Variants in NCOR2 observed in about 807,000 individuals in gnomAD.
NCOR2 encodes the protein nuclear receptor corepressor 2, also known as CTG repeat protein 26.
A neutral mutation model predicts 262.9 loss-of-function variants in NCOR2; 81 were observed. That is an observed-to-expected ratio of 0.31 (90% CI 0.26 to 0.37). The LOEUF (loss-of-function observed/expected upper bound fraction) is 0.37. NCOR2 is among the 10% of genes least tolerant of loss of function. The pLI is 1.00. For synonymous variants in NCOR2, 1,659 were observed against 1,559.3 expected (o/e 1.06, Z -1.51); for missense variants, 3,385 against 3,621.4 (o/e 0.93, Z 1.68).
intron 1 of NCOR2, among the ~76,000 whole-genome samples, chr12:124,507,836 A>G (rs1303919411): frequency 6.6e-6 from 1 of 152,186 alleles, no homozygotes; most frequent in Non-Finnish European, 1.5e-5. Context: ...CGGCCTCCGC[A>G]AGGTTCCCAC....
In NCOR2 at chr12:124,494,724, G is replaced by A. The variant is rs752144794; in HGVS notation, c.105+423C>T. Among the ~76,000 whole-genome samples, 40 of 152,250 alleles carry A rather than the reference G, an allele frequency of 2.6e-4. 1 individual carries two copies. The highest frequency in any genetic ancestry group is 3.7e-4 in the Non-Finnish European group (25 of 68,024). On this transcript the variant is annotated intron_variant, in intron 1 of 46. Transcript: ENST00000405201. ...CAAGGTGAATACACACGGAACGGGA[G>A]GACAGGAAGGAAGGGGAGCTGTGAC...
intron 1 of NCOR2, chr12:124,562,408 G>A (rs1161100832): frequency 6.6e-6 from 1 of 152,168 alleles, no homozygotes; most frequent in Non-Finnish European, 1.5e-5. Context: ...GAAGGTCAGA[G>A]GCTTCACTCA....
rs1162862210 is a variant in NCOR2, at chr12:124,335,128, T to C, written c.6411+7A>G. The C allele has an allele frequency of 1.9e-6, 3 of 1,612,200 alleles. No individual in the cohort carries two copies. The highest frequency in any genetic ancestry group is 1.1e-5 in the South Asian group (1 of 91,062). On this transcript the variant is annotated splice_region_variant and intron_variant, in intron 40 of 46. Transcript: ENST00000405201. Reference sequence around the variant, plus strand: ...GTGACAAGCAGCAGCAGAGAACGCGTAGTTACACTGATGTGCTGGGCCAGG... The same window carrying C: ...GTGACAAGCAGCAGCAGAGAACGCGCAGTTACACTGATGTGCTGGGCCAGG...
At chr12:124,520,590 G>A (rs533868471) in intron 1 of NCOR2, among the ~76,000 whole-genome samples, 6 of 152,174 alleles carry the variant, frequency 3.9e-5, no homozygotes, top group African/African-American at 4.8e-5. Flanking sequence ...TGTCTTCCCC[G>A]CCAGACACTC....
At chr12:124,358,393 CATGTGT>C (rs1441313186) in intron 22 of NCOR2, among the ~76,000 whole-genome samples, 1 of 148,224 alleles carries the variant, frequency 6.7e-6, no homozygotes, top group Non-Finnish European at 1.5e-5. Flanking sequence ...CGTGCACGTG[CATGTGT>C]GTGCGAGTGC....
Position 124,325,374 on chromosome 12 carries a change from A to ACCAC in NCOR2, c.*27_*28insGTGG, listed in dbSNP as rs2034531199. ...TTCCTGTGGCTCGCTGGGACCTGAC[A>ACCAC]CCGCCCCCCCCCCCGCCCTGTTCTG... On this transcript the variant is annotated 3_prime_UTR_variant, in exon 47 of 47. Coordinates refer to ENST00000405201, the Ensembl canonical transcript of NCOR2. The ACCAC allele has an allele frequency of 7.6e-5, 24 of 316,862 alleles. 1 individual carries two copies. Among genetic ancestry groups the ACCAC allele is most frequent in the South Asian group, 1.0e-4 (1 of 9,826 alleles). The allele number at this position is 316,862 out of a possible 1,614,324, so 19.6% of individuals were successfully genotyped here.
rs768697193 is a variant in NCOR2 at position 124,336,851 on chromosome 12, G to A, written c.6017C>T (p.Pro2006Leu). The A allele has an allele frequency of 2.5e-5, 41 of 1,611,936 alleles. No individual in the cohort carries two copies. The Admixed American group carries it at 6.2e-4, about 24-fold the overall frequency. Residue 2006 changes from proline to leucine, a missense_variant, in exon 38 of 47, where the codon CCG (proline) becomes CTG (leucine). Transcript: ENST00000405201. ...CGAGGCAGGTGGCGCCGGCGGGTCC[G>A]GGCTGGCGTGGTGAGGTGCGAGGTT...
intron 7 of NCOR2, among the ~76,000 whole-genome samples, chr12:124,448,545 C>G (rs959609706): frequency 1.3e-5 from 2 of 152,178 alleles, no homozygotes; most frequent in Admixed American, 1.3e-4. Flanking sequence ...ACCCCCCCGC[C>G]AGCCACGCTG....
intron 13 of NCOR2, among the ~76,000 whole-genome samples, chr12:124,408,048 C>G (rs1349792974): frequency 6.6e-6 from 1 of 152,214 alleles, no homozygotes; most frequent in Admixed American, 6.5e-5. Context: ...TAAGGGTTGT[C>G]TTTTTATAAG....
exon 4 of NCOR2, chr12:124,473,121 A>G: frequency 6.2e-7 from 1 of 1,613,932 alleles, no homozygotes; most frequent in Non-Finnish European, 8.5e-7. Context: ...CTTGCCCGTC[A>G]GGCTACGGTC....
At chr12:124,466,082 A>T (rs998021264) in intron 5 of NCOR2, 91 bp downstream of exon 7, 4 of 1,259,010 alleles carry the variant, frequency 3.2e-6, no homozygotes, top group Non-Finnish European at 4.4e-6. Flanking sequence ...CCCCACATAG[A>T]TGGAAACACT....
Position 124,454,866 on chromosome 12 carries a change from CT to C in NCOR2, c.762+2239del. Among the ~76,000 whole-genome samples the C allele has an allele frequency of 1.3e-5, 2 of 152,314 alleles. No homozygotes were observed. The highest frequency in any genetic ancestry group is 1.3e-4 in the Admixed American group (2 of 15,300). ...AACGGCACACTAATGTTCACAGCAA[CT>C]TTATTCACAATACCCCAAATATGCA... On this transcript the variant is annotated intron_variant, in intron 6 of 46. Coordinates refer to ENST00000405201, the Ensembl canonical transcript of NCOR2. The surrounding 1 kb of genome is among the most constrained non-coding windows in gnomAD (Gnocchi z 5.6).
chr12:124,332,130 G>T (rs1697696519), intron 43 of NCOR2, 189 bp downstream of exon 45: 10 of 657,748 alleles, frequency 1.5e-5, no homozygotes, highest in Non-Finnish European at 2.3e-5. Context: ...GGAAAGCCCA[G>T]CAAATCAAGA....
At chr12:124,430,359 A>C (rs2043844666) in intron 9 of NCOR2, among the ~76,000 whole-genome samples, 1 of 152,188 alleles carries the variant, frequency 6.6e-6, no homozygotes, top group Non-Finnish European at 1.5e-5. Context: ...AGGCCCCAGA[A>C]ATGAGTGAAG....
chr12:124,429,774 G>T, intron 9 of NCOR2, 68 bp from the exon 12 acceptor site: 1 of 1,430,748 alleles, frequency 7.0e-7, no homozygotes, highest in Non-Finnish European at 9.6e-7. Flanking sequence ...GACCCCTGTG[G>T]CGCAGCCCTG....
Position 124,361,114 on chromosome 12 carries a change from G to A in NCOR2, c.3100+1012C>T, listed in dbSNP as rs533394673. Among the ~76,000 whole-genome samples, 328 of 97,416 alleles carry A rather than the reference G, an allele frequency of 3.4e-3. 2 individuals carry two copies. Among genetic ancestry groups the A allele is most frequent in the African/African-American group, 0.012 (321 of 26,364 alleles). 63.9% of individuals were successfully genotyped at this position (97,416 alleles called of 152,430 possible). A position where few individuals can be genotyped will look rare whatever the true frequency, so the allele number is the denominator to read the frequency against. On this transcript the variant is annotated intron_variant, in intron 22 of 46. Transcript: ENST00000405201. ...TCCAACCTGGCGAGAGTGACACTCC[G>A]TCTCAAACAAAAAAAAAAAAAAAAA...
chr12:124,326,334 C>T (rs2034635777), exon 46 of NCOR2: 3 of 1,535,264 alleles, frequency 2.0e-6, no homozygotes, highest in Non-Finnish European at 1.7e-6. Flanking sequence ...TTTTCGGCTG[C>T]TGGGTCTGCC....
intron 43 of NCOR2, chr12:124,332,021 G>T: frequency 2.6e-6 from 1 of 391,968 alleles, no homozygotes; most frequent in Non-Finnish European, 4.8e-6. Context: ...CGGCCCTTGT[G>T]TGGGAGGGAT....
intron 22 of NCOR2, among the ~76,000 whole-genome samples, chr12:124,358,246 G>GCA (rs1198852611): frequency 6.7e-6 from 1 of 148,264 alleles, no homozygotes; most frequent in African/African-American, 2.6e-5. Context: ...GTGTGTATGT[G>GCA]CCTGTACACA....
Sources: allele counts gnomAD v4.1 joint callset (sites outside exome capture counted in the v4.1 genomes callset), GRCh38; gene constraint gnomAD v4.1.1; non-coding constraint Gnocchi (gnomAD v3.1); transcripts MANE v1.5; gene names NCBI Gene and HGNC (gene_info 2026-07-23, HGNC 2026-07-21).